Variants in SIK2 observed in about 807,000 individuals in gnomAD.
The protein encoded by SIK2 is salt inducible kinase 2, also known as serine/threonine-protein kinase SIK2.
Under a neutral mutation model 103.2 loss-of-function variants are expected in SIK2, and 29 were observed. That is an observed-to-expected ratio of 0.28 (90% confidence interval 0.21 to 0.38). SIK2 has a LOEUF of 0.38. Among genes scored for constraint, SIK2 ranks in the 10% least tolerant of loss-of-function variants. SIK2 has a pLI of 1.00. For synonymous variants in SIK2, 412 were observed against 446.1 expected (o/e 0.92, Z 0.96); for missense variants, 879 against 1,171.0 (o/e 0.75, Z 3.64).
At chr11:111,700,368 G>A in intron 4 of SIK2, among the ~76,000 whole-genome samples, 1 of 152,122 alleles carries the variant, frequency 6.6e-6, no homozygotes, top group East Asian at 1.9e-4. Context: ...AGGATATGTG[G>A]ACCAACACTT....
intron 8 of SIK2, among the ~76,000 whole-genome samples, chr11:111,709,014 G>A (rs1943424890): frequency 6.6e-6 from 1 of 152,216 alleles, no homozygotes; most frequent in Admixed American, 6.5e-5. Flanking sequence ...TTTAGAGGTT[G>A]CCCTTCACAA....
Position 111,723,974 on chromosome 11 carries a change from G to C in SIK2, c.2626G>C (p.Asp876His), listed in dbSNP as rs747733489. The C allele has an allele frequency of 5.0e-6, 8 of 1,613,988 alleles. No individual in the cohort carries two copies. In the African/African-American group the frequency reaches 8.0e-5, roughly 16 times the overall value. ...TCCTGTGGATGGAGCCCAGCAGAGC[G>C]ACCTAACGGGGCCAGACTGTCCCAG... is the stretch of plus-strand genomic sequence containing the variant. ...QYPVDGAQQS[D>H]LTGPDCPRSP... Residue 876 changes from aspartate (D) to histidine (H), a missense_variant, in exon 15 of 15, where the codon GAC (aspartate) becomes CAC (histidine). Coordinates refer to ENST00000304987, the MANE Select transcript of SIK2 (RefSeq NM_015191.3).
In SIK2 at chr11:111,724,075, T is replaced by C. The variant is rs994502820; in HGVS notation, c.2727T>C (p.Cys909=). 15 of 1,613,726 alleles carry C rather than the reference T, an allele frequency of 9.3e-6. No homozygotes were observed. The highest frequency in any genetic ancestry group is 1.7e-5 in the Admixed American group (1 of 60,028). Residue 909 remains cysteine (C), a synonymous_variant, in exon 15 of 15, where the codon TGT becomes TGC. Transcript: ENST00000304987. ...CTGAGCTACCTGGACTCTTTGATTG[T>C]GAAATGCTAGACGCTGTGGATCCAC... ...ALSELPGLFD[C]EMLDAVDPQH...
chr11:111,693,912 T>C (rs1051052509), intron 4 of SIK2, among the ~76,000 whole-genome samples: 1 of 152,236 alleles, frequency 6.6e-6, no homozygotes, highest in Non-Finnish European at 1.5e-5. Context: ...TTGAATCCTA[T>C]CTCTGCCACT....
chr11:111,644,214 A>G (rs1942222022), intron 3 of SIK2, among the ~76,000 whole-genome samples: 1 of 149,346 alleles, frequency 6.7e-6, no homozygotes, highest in African/African-American at 2.5e-5. Context: ...ACTTGAACCC[A>G]GGAGGCGGAG....
chr11:111,619,853 T>A (rs1164733752), intron 2 of SIK2, among the ~76,000 whole-genome samples: 1 of 152,226 alleles, frequency 6.6e-6, no homozygotes, highest in Non-Finnish European at 1.5e-5. Flanking sequence ...CCAGATTAGC[T>A]AGGCTACCAA....
At chr11:111,672,191 C>A in intron 3 of SIK2, 1 of 408,022 alleles carries the variant, frequency 2.5e-6, no homozygotes, top group East Asian at 6.0e-5. Flanking sequence ...ACCATAATGG[C>A]TGTGATGCCC....
intron 3 of SIK2, among the ~76,000 whole-genome samples, chr11:111,643,562 A>G (rs766803669): frequency 7.9e-5 from 12 of 152,102 alleles, no homozygotes; most frequent in Admixed American, 6.6e-5. Flanking sequence ...TGTAATCCCA[A>G]CATTTTGGGA....
In SIK2 at chr11:111,602,656, C is replaced by T. The variant is rs1281719638; in HGVS notation, c.93C>T (p.Phe31=). The T allele has an allele frequency of 1.3e-6, 2 of 1,531,982 alleles. No individual in the cohort carries two copies. Among genetic ancestry groups the T allele is most frequent in the African/African-American group, 2.8e-5 (2 of 70,590 alleles). The allele number at this position is 1,531,982 out of a possible 1,614,324, so 94.9% of individuals were successfully genotyped here. A position where few individuals can be genotyped will look rare whatever the true frequency, so the allele number is the denominator to read the frequency against. The change falls in exon 1 of 15, where the codon TTC becomes TTT. Residue 31 remains phenylalanine, a synonymous_variant. Transcript: ENST00000304987. This position sits in a 1 kb window ranked among gnomAD's most constrained non-coding sequence, Gnocchi z 4.5. ...AGGGCACGCTGGGCAAGGGCAACTT[C>T]GCTGTGGTGAAGCTGGGGCGGCACC... ...DIEGTLGKGN[F]AVVKLGRHRI...
rs1316007907 is a variant in SIK2, at chr11:111,688,841, CATATATAAAA to C, written c.478+683_478+692del. Among the ~76,000 whole-genome samples the C allele has an allele frequency of 1.3e-5, 2 of 152,018 alleles. No individual in the cohort carries two copies. The highest frequency in any genetic ancestry group is 4.8e-5 in the African/African-American group (2 of 41,366). On this transcript the variant is annotated intron_variant, in intron 4 of 14. Transcript: ENST00000304987. This position sits in a 1 kb window ranked among gnomAD's most constrained non-coding sequence, Gnocchi z 4.2. ...TGTGGAAATCATTTCACAACATATC[CATATATAAAA>C]ATAGCATGTACACCTTGAATATACA...
At chr11:111,615,178 T>A (rs1055850696) in intron 1 of SIK2, among the ~76,000 whole-genome samples, 1 of 149,292 alleles carries the variant, frequency 6.7e-6, no homozygotes, top group Non-Finnish European at 1.5e-5. Context: ...AGGCCAGGCA[T>A]GGTGGCTCAC....
chr11:111,631,076 G>A (rs1369773248), intron 3 of SIK2, among the ~76,000 whole-genome samples: 1 of 152,128 alleles, frequency 6.6e-6, no homozygotes. Context: ...GGAATGATTA[G>A]TTTAGAAGAG....
intron 3 of SIK2, among the ~76,000 whole-genome samples, chr11:111,672,612 T>C (rs1421746789): frequency 6.6e-6 from 1 of 152,106 alleles, no homozygotes; most frequent in Non-Finnish European, 1.5e-5. Flanking sequence ...GGAAGGAAGA[T>C]GGTGGAAAAG....
At chr11:111,614,542 A>G (rs1258205431) in intron 1 of SIK2, among the ~76,000 whole-genome samples, 1 of 152,248 alleles carries the variant, frequency 6.6e-6, no homozygotes, top group Non-Finnish European at 1.5e-5. Flanking sequence ...GAAAATAACA[A>G]GGAAAATACA....
rs1431738134 is a variant in SIK2 at position 111,602,555 on chromosome 11, G to A, written c.-9G>A. On this transcript the variant is annotated 5_prime_UTR_variant, in exon 1 of 15. Transcript: ENST00000304987. This position sits in a 1 kb window ranked among gnomAD's most constrained non-coding sequence, Gnocchi z 4.5. ...CTCCTGTCCGCCGTGTCTAGCAGCG[G>A]GGCCCAGCATGGTCATGGCGGATGG... 6.6e-7 allele frequency: 1 copy of A among 1,507,256 alleles called. No homozygotes were observed. Among genetic ancestry groups the A allele is most frequent in the Non-Finnish European group, 8.9e-7 (1 of 1,128,468 alleles). The allele number at this position is 1,507,256 out of a possible 1,614,324, so 93.4% of individuals were successfully genotyped here. A position where few individuals can be genotyped will look rare whatever the true frequency, so the allele number is the denominator to read the frequency against.
rs1189196081 is a variant in SIK2 at position 111,725,692 on chromosome 11, CT to C, written c.*1566del. ...CATCTAGAAAACACCTTTAAGTTGCCTTTCCTCTTTGTAGTTAGCGTTCAGG... is the reference window on the plus strand; with the variant it reads ...CATCTAGAAAACACCTTTAAGTTGCCTTCCTCTTTGTAGTTAGCGTTCAGG... On this transcript the variant is annotated 3_prime_UTR_variant, in exon 15 of 15. Coordinates refer to ENST00000304987, the MANE Select transcript of SIK2 (RefSeq NM_015191.3). 1 of 152,688 alleles carries C rather than the reference CT, an allele frequency of 6.5e-6. No homozygotes were observed. Among genetic ancestry groups the C allele is most frequent in the Non-Finnish European group, 1.5e-5 (1 of 68,046 alleles). 9.5% of individuals were successfully genotyped at this position (152,688 alleles called of 1,614,324 possible).
intron 3 of SIK2, among the ~76,000 whole-genome samples, chr11:111,645,738 C>G (rs1207075163): frequency 6.6e-6 from 1 of 151,592 alleles, no homozygotes; most frequent in Non-Finnish European, 1.5e-5. Flanking sequence ...TCACTTGAAC[C>G]CAGGAGGCGG....
At chr11:111,721,767 T>A in intron 12 of SIK2, 63 bp from the exon 13 acceptor site, 1 of 1,334,466 alleles carries the variant, frequency 7.5e-7, no homozygotes. Flanking sequence ...GTGCTTCAGC[T>A]AAGAACTGAG....
chr11:111,689,980 A>ATG (rs1942906414), intron 4 of SIK2, among the ~76,000 whole-genome samples: 3 of 127,074 alleles, frequency 2.4e-5, no homozygotes, highest in Non-Finnish European at 4.8e-5. Flanking sequence ...GTGTGTGTGT[A>ATG]TGTGTATATA....
Sources: gnomAD v4.1 joint callset for allele counts (sites outside exome capture counted in the v4.1 genomes callset) on GRCh38, gnomAD v4.1.1 for gene constraint, Gnocchi (gnomAD v3.1) non-coding constraint, MANE v1.5 for transcripts, NCBI Gene and HGNC (gene_info 2026-07-23, HGNC 2026-07-21) for gene names.